TAS2R1: variants seen among roughly 807,000 people sequenced by gnomAD.
TAS2R1 encodes taste receptor type 2 member 1.
For missense variants in TAS2R1, 370 were observed against 353.4 expected, an observed-to-expected ratio of 1.05 and a Z score of -0.38; for synonymous variants, 141 against 134.2, an observed-to-expected ratio of 1.05 and a Z score of -0.35.
At chr5:9,797,158 A>G in the TAS2R1 span, among the ~76,000 whole-genome samples, 4 of 152,272 alleles carry the variant, frequency 2.6e-5, no homozygotes, top group South Asian at 4.1e-4. Flanking sequence ...CCCTAGACCA[A>G]TGCTTCCAAC....
chr5:9,789,804 G>A, the TAS2R1 span, among the ~76,000 whole-genome samples: 2 of 152,222 alleles, frequency 1.3e-5, no homozygotes, highest in Non-Finnish European at 1.5e-5. Flanking sequence ...AAGTTATGCT[G>A]TGGCAACAAA....
chr5:9,646,536 C>T (rs1369890341), intron 2 of TAS2R1, among the ~76,000 whole-genome samples: 1 of 152,166 alleles, frequency 6.6e-6, no homozygotes, highest in Non-Finnish European at 1.5e-5. Flanking sequence ...TCAAATGGTT[C>T]TCTTTTGTCG....
intron 1 of TAS2R1, among the ~76,000 whole-genome samples, chr5:9,701,221 GACAC>G (rs34248017): frequency 0.036 from 4,870 of 135,770 alleles, 104 homozygotes; most frequent in East Asian, 0.076. Flanking sequence ...CAGACACGCA[GACAC>G]ACACACACAC....
chr5:9,834,865 A>G, the TAS2R1 span, among the ~76,000 whole-genome samples: 2 of 152,072 alleles, frequency 1.3e-5, no homozygotes, highest in Non-Finnish European at 2.9e-5. Context: ...AATTTGCTGC[A>G]CAAGTTAAGA....
rs1403130972 is a variant in TAS2R1, at chr5:9,629,815, A to G, written c.218T>C (p.Ile73Thr). 5.6e-6 allele frequency: 9 copies of G among 1,613,922 alleles called. No individual in the cohort carries two copies. The highest frequency in any genetic ancestry group is 1.7e-4 in the Middle Eastern group (1 of 6,060). The change falls in exon 1 of 1, where the codon ATA becomes ACA. Residue 73 changes from isoleucine to threonine, a missense_variant. Transcript: ENST00000382492. ...FYVNVIVIFFIEFIMCSANCA... is the reference protein window; with the variant it reads ...FYVNVIVIFFTEFIMCSANCA... The stretch of plus-strand genomic sequence containing the variant: ...ATTCGCAGAACACATGATGAATTCT[A>G]TGAAGAAGATAACAATCACATTAAC...
intron 1 of TAS2R1, among the ~76,000 whole-genome samples, chr5:9,698,773 T>C (rs1209259341): frequency 1.3e-5 from 2 of 152,174 alleles, no homozygotes; most frequent in Admixed American, 1.3e-4. Flanking sequence ...CAGGGACAAG[T>C]GGCTGAACCG....
intron 1 of TAS2R1, among the ~76,000 whole-genome samples, chr5:9,676,985 G>A (rs555942564): frequency 6.6e-6 from 1 of 152,210 alleles, no homozygotes; most frequent in African/African-American, 2.4e-5. Flanking sequence ...ATTCATAATA[G>A]CAATCACATG....
intron 1 of TAS2R1, among the ~76,000 whole-genome samples, chr5:9,705,607 G>A (rs188110406): frequency 3.3e-5 from 5 of 152,096 alleles, no homozygotes; most frequent in East Asian, 1.9e-4. Context: ...GCCTGTAATC[G>A]CAGCACTTTG....
chr5:9,706,800 G>C (rs1741623961), intron 1 of TAS2R1, among the ~76,000 whole-genome samples: 1 of 152,146 alleles, frequency 6.6e-6, no homozygotes, highest in Admixed American at 6.5e-5. Context: ...TGCTGGGGAG[G>C]GAGCTGCAGG....
the TAS2R1 span, among the ~76,000 whole-genome samples, chr5:9,845,164 G>A: frequency 6.6e-6 from 1 of 152,126 alleles, no homozygotes; most frequent in Non-Finnish European, 1.5e-5. Context: ...CCTCATGATG[G>A]GTTTAGTGCC....
At chr5:9,797,258 G>A in the TAS2R1 span, among the ~76,000 whole-genome samples, 31 of 152,314 alleles carry the variant, frequency 2.0e-4, no homozygotes, top group African/African-American at 7.5e-4. Context: ...CTGGCATGTA[G>A]TGCGTAGAGG....
Position 9,709,302 on chromosome 5 carries a change from A to G in TAS2R1, c.-242+2870T>C, listed in dbSNP as rs114252978. On this transcript the variant is annotated intron_variant, in intron 1 of 2. Coordinates refer to the TAS2R1 transcript ENST00000506620. ...TATAGGGCCTCGCTGATTTTTAAGT[A>G]ACTGCCAGTTCAGTTTCTTTCTCTT... is the stretch of plus-strand genomic sequence containing the variant. Among the ~76,000 whole-genome samples the G allele has an allele frequency of 9.6e-3, 1,456 of 152,018 alleles. 31 individuals carry two copies. Among genetic ancestry groups the G allele is most frequent in the African/African-American group, 0.034 (1,398 of 41,474 alleles).
At chr5:9,802,241 T>C in the TAS2R1 span, among the ~76,000 whole-genome samples, 1 of 152,074 alleles carries the variant, frequency 6.6e-6, no homozygotes, top group Non-Finnish European at 1.5e-5. Context: ...TGAAGACAGA[T>C]CACATCACAG....
the TAS2R1 span, among the ~76,000 whole-genome samples, chr5:9,815,773 A>G: frequency 0.011 from 1,629 of 152,296 alleles, 21 homozygotes; most frequent in African/African-American, 0.034. Flanking sequence ...CAAAATGAGC[A>G]TGCTTTGTAT....
chr5:9,702,114 T>C (rs918916323), intron 1 of TAS2R1, among the ~76,000 whole-genome samples: 17 of 152,244 alleles, frequency 1.1e-4, no homozygotes, highest in Admixed American at 6.5e-4. Flanking sequence ...GGCTCTATTC[T>C]TCTTGTTTCC....
chr5:9,668,822 G>A (rs953893780), intron 1 of TAS2R1, among the ~76,000 whole-genome samples: 1 of 151,788 alleles, frequency 6.6e-6, no homozygotes, highest in Non-Finnish European at 1.5e-5. Flanking sequence ...TAAGTACAAA[G>A]ACCATCAGCA....
chr5:9,642,477 T>C (rs1020287934), intron 2 of TAS2R1, among the ~76,000 whole-genome samples: 1 of 152,208 alleles, frequency 6.6e-6, no homozygotes, highest in Non-Finnish European at 1.5e-5. Context: ...TTATTTCATT[T>C]AAAATTCACA....
At chr5:9,681,530 G>GAAAAAAAAAAAAAA (rs79288629) in intron 1 of TAS2R1, among the ~76,000 whole-genome samples, 1 of 23,558 alleles carries the variant, frequency 4.2e-5, no homozygotes, top group African/African-American at 1.4e-4. Flanking sequence ...TCATGTTTCT[G>GAAAAAAAAAAAAAA]CAAAAAAAAA....
At chr5:9,678,441 A>C (rs1050929039) in intron 1 of TAS2R1, among the ~76,000 whole-genome samples, 2 of 152,178 alleles carry the variant, frequency 1.3e-5, no homozygotes, top group East Asian at 3.9e-4. Flanking sequence ...GTATATACCC[A>C]AAGGAATATA....
Sources: allele counts gnomAD v4.1 joint callset (sites outside exome capture counted in the v4.1 genomes callset), GRCh38; gene constraint gnomAD v4.1.1; transcripts MANE v1.5; gene names NCBI Gene and HGNC (gene_info 2026-07-23, HGNC 2026-07-21).